The following RAPGEF6 variants were observed in gnomAD, a reference collection of about 807,000 sequenced individuals.
The protein encoded by RAPGEF6 is Rap guanine nucleotide exchange factor 6, also known as PDZ domain containing guanine nucleotide exchange factor (GEF) 2.
Under a neutral mutation model 171.4 loss-of-function variants are expected in RAPGEF6, and 56 were observed. The observed-to-expected ratio is 0.33, with a 90% confidence interval of 0.26 to 0.41. The LOEUF is 0.41. Ranked by LOEUF, RAPGEF6 falls within the 10% of genes least tolerant of loss-of-function variation. The probability of loss-of-function intolerance (pLI) is 1.00; values close to 1 mark genes in which losing one functional copy is unlikely to be tolerated. For synonymous variants in RAPGEF6, 692 were observed against 650.1 expected, an observed-to-expected ratio of 1.06 and a Z score of -0.98; for missense variants, 1,674 against 1,921.4, an observed-to-expected ratio of 0.87 and a Z score of 2.41.
chr5:131,554,214 C>T (rs891842658), intron 5 of RAPGEF6, among the ~76,000 whole-genome samples: 7 of 151,814 alleles, frequency 4.6e-5, no homozygotes, highest in African/African-American at 1.7e-4. Flanking sequence ...AACAATCCTC[C>T]AAGAATGAAG....
chr5:131,593,407 T>C (rs1034595141), intron 3 of RAPGEF6, among the ~76,000 whole-genome samples: 18 of 152,290 alleles, frequency 1.2e-4, no homozygotes, highest in African/African-American at 3.1e-4. Flanking sequence ...TGTGCAATAA[T>C]AGAAATACAA....
Position 131,461,808 on chromosome 5 carries a change from C to T in RAPGEF6, c.2761G>A (p.Glu921Lys), listed in dbSNP as rs148252196. 1 of 1,613,848 alleles carries T rather than the reference C, an allele frequency of 6.2e-7. No individual in the cohort carries two copies. Among genetic ancestry groups the T allele is most frequent in the African/African-American group, 1.3e-5 (1 of 75,060 alleles). ...TFWVASEILT[E>K]ANQLKRMKII... ...TTCATTCGTTTGAGCTGATTTGCTT[C>T]AGTTAAAATTTCTGAGGCAACCCAG... is the stretch of plus-strand genomic sequence containing the variant. Residue 921 changes from glutamate to lysine, a missense_variant, in exon 19 of 28, where the codon GAA (glutamate) becomes AAA (lysine). By Grantham distance (56) the Glu-to-Lys change is moderately conservative (BLOSUM62 1). This residue lies in a region of RAPGEF6 where 1,116 missense variants were observed against 1,321.5 expected (regional missense o/e 0.84). Coordinates refer to ENST00000509018, the MANE Select transcript of RAPGEF6 (RefSeq NM_016340.6).
chr5:131,620,506 C>CAA (rs1765533239), intron 1 of RAPGEF6, among the ~76,000 whole-genome samples: 1 of 152,184 alleles, frequency 6.6e-6, no homozygotes, highest in Non-Finnish European at 1.5e-5. Context: ...TCTCCGTTTA[C>CAA]TATTGCAAAT....
intron 18 of RAPGEF6, 143 bp downstream of exon 18, chr5:131,463,898 A>C: frequency 7.2e-7 from 1 of 1,398,584 alleles, no homozygotes; most frequent in Non-Finnish European, 9.3e-7. Context: ...AGCAGGAGTG[A>C]CAAGATATTT....
intron 11 of RAPGEF6, among the ~76,000 whole-genome samples, chr5:131,499,369 T>C (rs1186834919): frequency 1.3e-5 from 2 of 151,934 alleles, no homozygotes; most frequent in African/African-American, 4.8e-5. Context: ...ACACCTGAGG[T>C]CCACAGTTCA....
At chr5:131,464,421 T>A (rs1754177362) in intron 17 of RAPGEF6, 140 bp from the exon 18 acceptor site, 1 of 670,114 alleles carries the variant, frequency 1.5e-6, no homozygotes, top group African/African-American at 1.8e-5. Flanking sequence ...GAAGTCACTG[T>A]TGCATTTATT....
At chr5:131,507,433 T>C (rs1007714743) in intron 9 of RAPGEF6, among the ~76,000 whole-genome samples, 14 of 152,114 alleles carry the variant, frequency 9.2e-5, no homozygotes, top group African/African-American at 2.9e-4. Context: ...TAGAAGACAA[T>C]GTTCATTTAC....
In RAPGEF6 at chr5:131,492,650, C is replaced by T; in HGVS notation, c.1663G>A (p.Gly555Ser). The change falls in exon 14 of 28, where the codon GGT becomes AGT. Residue 555 changes from glycine to serine, a missense_variant. By Grantham distance (56) the Gly-to-Ser change is moderately conservative. This residue lies in a region of RAPGEF6 where 1,116 missense variants were observed against 1,321.5 expected (regional missense o/e 0.84). Coordinates refer to ENST00000509018, the MANE Select transcript of RAPGEF6 (RefSeq NM_016340.6). Reference sequence around the variant, plus strand: ...GGTTCTACTCCTTCAACAAAAATACCAAATCCCTTCTCACTCCCTCCATTA... The same window carrying T: ...GGTTCTACTCCTTCAACAAAAATACTAAATCCCTTCTCACTCCCTCCATTA... ...SLNGGSEKGF[G>S]IFVEGVEPGS... The T allele has an allele frequency of 1.9e-6, 3 of 1,614,158 alleles. No homozygotes were observed. The highest frequency in any genetic ancestry group is 2.5e-6 in the Non-Finnish European group (3 of 1,180,026).
rs1374861393 is a variant in RAPGEF6, at chr5:131,555,601, T to C, written c.351+6377A>G. Among the ~76,000 whole-genome samples, 9 of 151,916 alleles carry C rather than the reference T, an allele frequency of 5.9e-5. No homozygotes were observed. The East Asian group carries it at 1.7e-3, about 29-fold the overall frequency. ...AATTTCAATTATTTCCAATTAAATG[T>C]ATCATACAGAATTTTTCATAATATA... On this transcript the variant is annotated intron_variant, in intron 5 of 27. Transcript: ENST00000509018.
rs1396694547 is a variant in RAPGEF6 at position 131,446,636 on chromosome 5, C to T, written c.3268G>A (p.Ala1090Thr). The change falls in exon 22 of 28, where the codon GCA (alanine) becomes ACA (threonine). Residue 1090 changes from alanine (A) to threonine (T), a missense_variant. Physicochemically the swap from Ala to Thr is moderately conservative, Grantham distance 58. Coordinates refer to ENST00000509018, the MANE Select transcript of RAPGEF6 (RefSeq NM_016340.6). ...GCATTAAGCAGAGAGCTGCGGCGTG[C>T]CCTTTTTTTGTGAGCACCTCCCTGA... is the stretch of plus-strand genomic sequence containing the variant. ...DVQGGAHKKR[A>T]RRSSLLNAKK... is the part of the protein sequence containing the mutation. The T allele has an allele frequency of 1.2e-6, 2 of 1,614,098 alleles. No homozygotes were observed. The highest frequency in any genetic ancestry group is 2.2e-5 in the East Asian group (1 of 44,898).
chr5:131,555,032 GAA>G (rs1237234404), intron 5 of RAPGEF6, among the ~76,000 whole-genome samples: 2 of 152,098 alleles, frequency 1.3e-5, no homozygotes, highest in African/African-American at 4.8e-5. Flanking sequence ...AATACAAATA[GAA>G]AAGTCTTTCC....
At chr5:131,549,122 C>G (rs1438090497) in intron 5 of RAPGEF6, among the ~76,000 whole-genome samples, 5 of 152,046 alleles carry the variant, frequency 3.3e-5, no homozygotes, top group Non-Finnish European at 5.9e-5. Context: ...CTATCTAGCT[C>G]AACAGCTTAT....
At position 131,439,671 on chromosome 5, in the gene RAPGEF6, T is replaced by G. The variant is rs1371842883; in HGVS notation, c.3655A>C (p.Ser1219Arg). ...GTGTCTTCTGTATGCTTCTTACCAC[T>G]TATTTCTTCAGTTGTTCCTAAAACT... ...QKVLGTTEEI[S>R]GKKHTEDTIS... The change falls in exon 24 of 28, where the codon AGT becomes CGT. Residue 1219 changes from serine to arginine, a missense_variant. Physicochemically the swap from Ser to Arg is moderately radical, Grantham distance 110. Coordinates refer to ENST00000509018, the MANE Select transcript of RAPGEF6 (RefSeq NM_016340.6). 1 of 1,612,468 alleles carries G rather than the reference T, an allele frequency of 6.2e-7. No individual in the cohort carries two copies. Among genetic ancestry groups the G allele is most frequent in the Non-Finnish European group, 8.5e-7 (1 of 1,179,474 alleles).
chr5:131,440,537 A>G (rs1027764570), intron 23 of RAPGEF6, among the ~76,000 whole-genome samples: 1 of 152,032 alleles, frequency 6.6e-6, no homozygotes, highest in African/African-American at 2.4e-5. Context: ...CAGGAGTTCG[A>G]GACCAGCCTG....
chr5:131,431,733 T>G lies in RAPGEF6; in HGVS notation c.3975-384A>C, dbSNP rs1480970111. 2.0e-5 allele frequency among the ~76,000 whole-genome samples: 3 copies of G among 152,102 alleles called. No homozygotes were observed. The East Asian group carries it at 5.8e-4, about 29-fold the overall frequency. On this transcript the variant is annotated intron_variant, in intron 25 of 27. Coordinates refer to ENST00000509018, the MANE Select transcript of RAPGEF6 (RefSeq NM_016340.6). ...TTTAACTCCTGGGCTCAAGTGATCCTCCCGCCTCAGCCTCCCCAGCAGCTG... is the reference window on the plus strand; with the variant it reads ...TTTAACTCCTGGGCTCAAGTGATCCGCCCGCCTCAGCCTCCCCAGCAGCTG...
At chr5:131,523,279 CTTTTTTTTTTT>C (rs1171953953) in intron 6 of RAPGEF6, among the ~76,000 whole-genome samples, 5 of 66,648 alleles carry the variant, frequency 7.5e-5, no homozygotes, top group Non-Finnish European at 1.1e-4. Context: ...CTGTTGTATG[CTTTTTTTTTTT>C]TTTTTTTTTT....
chr5:131,542,471 C>T (rs1183684790), intron 6 of RAPGEF6, among the ~76,000 whole-genome samples: 1 of 152,096 alleles, frequency 6.6e-6, no homozygotes, highest in Non-Finnish European at 1.5e-5. Context: ...AGCAAGCTGA[C>T]AGAACAGGCA....
chr5:131,514,119 A>G (rs1757923414), intron 7 of RAPGEF6, among the ~76,000 whole-genome samples: 1 of 152,244 alleles, frequency 6.6e-6, no homozygotes. Context: ...AAAATTAGTT[A>G]AGAAAATACA....
chr5:131,464,090 G>A lies in RAPGEF6; in HGVS notation c.2431C>T (p.Leu811Phe). 9 of 1,612,858 alleles carry A rather than the reference G, an allele frequency of 5.6e-6. No homozygotes were observed. The highest frequency in any genetic ancestry group is 7.6e-6 in the Non-Finnish European group (9 of 1,179,310). ...GCTAATTTGGAGAACTGATCTGGAA[G>A]TCTTCTCTGTTTTATGACACCCTCA... ...TPEGVIKQRR[L>F]PDQFSKLADR... The change falls in exon 18 of 28, where the codon CTT becomes TTT. Residue 811 changes from leucine (L) to phenylalanine (F), a missense_variant. Physicochemically the swap from Leu to Phe is conservative, Grantham distance 22 (BLOSUM62 0). Around this residue, in one of 3 missense-constraint regions of RAPGEF6, gnomAD observed 1,116 missense variants for 1,321.5 expected, o/e 0.84. Coordinates refer to ENST00000509018, the MANE Select transcript of RAPGEF6 (RefSeq NM_016340.6).
Sources: allele counts gnomAD v4.1 joint callset (sites outside exome capture counted in the v4.1 genomes callset), GRCh38; gene constraint gnomAD v4.1.1; regional missense constraint gnomAD v4.1.1; transcripts MANE v1.5; gene names NCBI Gene and HGNC (gene_info 2026-07-23, HGNC 2026-07-21).